The following SLC31A1 variants were observed in gnomAD, a reference collection of about 807,000 sequenced individuals.
The protein encoded by SLC31A1 is high affinity copper uptake protein 1.
Under a neutral mutation model 17.2 loss-of-function variants are expected in SLC31A1, and 5 were observed. The observed-to-expected ratio is 0.29, with a 90% confidence interval of 0.15 to 0.61. The LOEUF (loss-of-function observed/expected upper bound fraction) is 0.61. SLC31A1 is among the 20% of genes least tolerant of loss of function. The pLI is 0.86. For synonymous variants in SLC31A1, 76 were observed against 78.8 expected (o/e 0.96, Z 0.19); for missense variants, 161 against 241.4 (o/e 0.67, Z 2.21).
chr9:113,233,254 A>G (rs1037713196), intron 1 of SLC31A1, among the ~76,000 whole-genome samples: 7 of 152,234 alleles, frequency 4.6e-5, no homozygotes, highest in African/African-American at 1.7e-4. Context: ...TACCGGTTAG[A>G]GAATGAGTAG....
At chr9:113,223,708 A>G (rs983880717) in intron 1 of SLC31A1, among the ~76,000 whole-genome samples, 3 of 152,182 alleles carry the variant, frequency 2.0e-5, no homozygotes, top group Non-Finnish European at 4.4e-5. Context: ...GGAAGCAGCA[A>G]TTTTAATAAT....
intron 1 of SLC31A1, among the ~76,000 whole-genome samples, chr9:113,252,934 GTCTTT>G (rs1831672274): frequency 1.4e-5 from 2 of 148,146 alleles, no homozygotes; most frequent in South Asian, 4.3e-4. Flanking sequence ...GCTAGCGAAA[GTCTTT>G]TCTTTTCTTT....
chr9:113,252,487 G>T (rs536279730), intron 1 of SLC31A1, among the ~76,000 whole-genome samples: 12 of 152,076 alleles, frequency 7.9e-5, no homozygotes, highest in African/African-American at 2.9e-4. Context: ...GTAGAGACGG[G>T]GTTTTTAGTC....
chr9:113,258,726 C>G lies in SLC31A1; in HGVS notation c.235C>G (p.Leu79Val), dbSNP rs745491716. 1.9e-6 allele frequency: 3 copies of G among 1,614,198 alleles called. No homozygotes were observed. The highest frequency in any genetic ancestry group is 2.5e-6 in the Non-Finnish European group (3 of 1,180,038). Residue 79 changes from leucine to valine, a missense_variant, in exon 4 of 5, where the codon CTA (leucine) becomes GTA (valine). Coordinates refer to ENST00000374212, the MANE Select transcript of SLC31A1 (RefSeq NM_001859.4). The surrounding 1 kb of genome is among the most constrained non-coding windows in gnomAD (Gnocchi z 4.8). Reference protein sequence around the residue: ...MAGAFVAVFLLAMFYEGLKIA... With the variant: ...MAGAFVAVFLVAMFYEGLKIA... ...TGGAGCTTTTGTGGCAGTGTTTTTA[C>G]TAGCAATGTTCTATGAAGGACTCAA...
intron 1 of SLC31A1, among the ~76,000 whole-genome samples, chr9:113,248,690 G>A (rs928984909): frequency 4.0e-5 from 6 of 151,888 alleles, no homozygotes; most frequent in African/African-American, 7.3e-5. Context: ...TGTTGGCCAG[G>A]CTGGTCTCAA....
intron 1 of SLC31A1, among the ~76,000 whole-genome samples, chr9:113,243,892 G>A (rs1163470863): frequency 6.6e-6 from 1 of 152,112 alleles, no homozygotes; most frequent in Non-Finnish European, 1.5e-5. Context: ...AGTGGCTCAC[G>A]CCTGTAATCC....
intron 1 of SLC31A1, among the ~76,000 whole-genome samples, chr9:113,243,626 A>G (rs1831545449): frequency 2.0e-5 from 3 of 152,042 alleles, no homozygotes; most frequent in African/African-American, 7.2e-5. Context: ...TGCCCAGGCT[A>G]GATTCAAACT....
intron 3 of SLC31A1, among the ~76,000 whole-genome samples, chr9:113,257,969 G>A (rs1422375968): frequency 6.6e-6 from 1 of 152,186 alleles, no homozygotes; most frequent in Non-Finnish European, 1.5e-5. Context: ...GCTAGGACAA[G>A]GACCCAGACC....
chr9:113,221,560 T>A lies in SLC31A1; in HGVS notation c.-154T>A. On this transcript the variant is annotated 5_prime_UTR_variant, in exon 1 of 5. Coordinates refer to ENST00000374212, the MANE Select transcript of SLC31A1 (RefSeq NM_001859.4). ...GGGGGCGGGAAATCCTCGGCCTCGG[T>A]GGCGGTGGTGGACACGTCGAGCCGG... The A allele has an allele frequency of 2.2e-6, 1 of 449,996 alleles. No individual in the cohort carries two copies. The highest frequency in any genetic ancestry group is 4.1e-6 in the Non-Finnish European group (1 of 241,248). The allele number at this position is 449,996 out of a possible 1,614,324, so 27.9% of individuals were successfully genotyped here.
chr9:113,226,416 A>G (rs1167533432), intron 1 of SLC31A1, among the ~76,000 whole-genome samples: 1 of 152,160 alleles, frequency 6.6e-6, no homozygotes, highest in Non-Finnish European at 1.5e-5. Flanking sequence ...TACTTAATAC[A>G]TTACAATGAA....
intron 1 of SLC31A1, among the ~76,000 whole-genome samples, chr9:113,244,320 T>C (rs185432122): frequency 1.3e-5 from 2 of 152,284 alleles, no homozygotes; most frequent in African/African-American, 4.8e-5. Context: ...TTTGAAGTAG[T>C]TTTCTCCTTT....
At chr9:113,251,277 C>G (rs1469441294) in intron 1 of SLC31A1, among the ~76,000 whole-genome samples, 2 of 152,068 alleles carry the variant, frequency 1.3e-5, no homozygotes, top group Non-Finnish European at 2.9e-5. Context: ...AAAAAATTAG[C>G]TGGGCATGGT....
At chr9:113,247,123 C>T (rs527392899) in intron 1 of SLC31A1, among the ~76,000 whole-genome samples, 29 of 152,198 alleles carry the variant, frequency 1.9e-4, no homozygotes, top group African/African-American at 6.5e-4. Context: ...CTGTCTTTGA[C>T]CTTGAATTTT....
chr9:113,259,853 T>G (rs1206863796), intron 4 of SLC31A1, among the ~76,000 whole-genome samples: 1 of 152,186 alleles, frequency 6.6e-6, no homozygotes, highest in Non-Finnish European at 1.5e-5. Flanking sequence ...CCCAAAGTGC[T>G]GGGATTAAAG....
intron 1 of SLC31A1, among the ~76,000 whole-genome samples, chr9:113,234,736 G>C (rs1022604187): frequency 2.0e-5 from 3 of 151,986 alleles, no homozygotes; most frequent in Non-Finnish European, 4.4e-5. Flanking sequence ...TGATGATTCT[G>C]ATCCAGGTGG....
chr9:113,264,464 AAAAT>A lies in SLC31A1; in HGVS notation c.*3997_*4000del, dbSNP rs758660180. 6.5e-6 allele frequency: 1 copy of A among 152,686 alleles called. No individual in the cohort carries two copies. Among genetic ancestry groups the A allele is most frequent in the Non-Finnish European group, 1.5e-5 (1 of 68,044 alleles). 9.5% of individuals were successfully genotyped at this position (152,686 alleles called of 1,614,324 possible). A position where few individuals can be genotyped will look rare whatever the true frequency, so the allele number is the denominator to read the frequency against. On this transcript the variant is annotated 3_prime_UTR_variant, in exon 5 of 5. Coordinates refer to ENST00000374212, the MANE Select transcript of SLC31A1 (RefSeq NM_001859.4). The stretch of plus-strand genomic sequence containing the variant: ...TTAACAGTGTCATATGAAAAAGAAC[AAAAT>A]AAATATTTTGATTTTGTGATTCTAT...
chr9:113,256,235 C>G lies in SLC31A1; in HGVS notation c.87C>G (p.Ala29=), dbSNP rs1337288481. Residue 29 remains alanine, a synonymous_variant, in exon 2 of 5, where the codon GCC becomes GCG. Transcript: ENST00000374212. Reference sequence around the variant, plus strand: ...CTCACCATCACCCAACCACTTCAGCCTCACACTCCCATGGTGGAGGAGACA... The same window carrying G: ...CTCACCATCACCCAACCACTTCAGCGTCACACTCCCATGGTGGAGGAGACA... ...QPSHHHPTTS[A]SHSHGGGDSS... 3 of 1,613,950 alleles carry G rather than the reference C, an allele frequency of 1.9e-6. No homozygotes were observed. Among genetic ancestry groups the G allele is most frequent in the Non-Finnish European group, 2.5e-6 (3 of 1,180,010 alleles).
chr9:113,260,190 A>C (rs902639009), intron 4 of SLC31A1, 82 bp from the exon 5 acceptor site: 54 of 1,220,246 alleles, frequency 4.4e-5, no homozygotes, highest in Non-Finnish European at 5.5e-5. Context: ...AGCTGAGCTC[A>C]TGGCAAGAAC....
rs1168157012 is a variant in SLC31A1, at chr9:113,260,851, T to G, written c.*378T>G. Reference sequence around the variant, plus strand: ...AATTTTTAACAGATAGTAAGTAAATTTGGTGGTTTTTTCCCCTGGGTCAGT... The same window carrying G: ...AATTTTTAACAGATAGTAAGTAAATGTGGTGGTTTTTTCCCCTGGGTCAGT... On this transcript the variant is annotated 3_prime_UTR_variant, in exon 5 of 5. Transcript: ENST00000374212. 1.6e-5 allele frequency: 5 copies of G among 317,828 alleles called. No homozygotes were observed. Among genetic ancestry groups the G allele is most frequent in the Non-Finnish European group, 1.8e-5 (3 of 162,960 alleles). 19.7% of individuals were successfully genotyped at this position (317,828 alleles called of 1,614,324 possible).
Sources: allele counts gnomAD v4.1 joint callset (sites outside exome capture counted in the v4.1 genomes callset), GRCh38; gene constraint gnomAD v4.1.1; non-coding constraint Gnocchi (gnomAD v3.1); transcripts MANE v1.5; gene names NCBI Gene and HGNC (gene_info 2026-07-23, HGNC 2026-07-21).